Variants in XKR9 observed in about 807,000 individuals in gnomAD.
XKR9 encodes the protein XK related 9, also known as XK-related protein 9.
In XKR9, 32 loss-of-function variants were observed where a neutral mutation model predicts 32.0. The ratio of observed to expected loss-of-function variants is 1.00; its 90% CI spans 0.76 to 1.34. The LOEUF is 1.34. Among genes scored for constraint, XKR9 ranks in the 40% most tolerant of loss-of-function variants. The pLI is 0.00. For missense variants in XKR9, 546 were observed against 429.7 expected, an observed-to-expected ratio of 1.27 and a Z score of -2.39; for synonymous variants, 168 against 143.4, an observed-to-expected ratio of 1.17 and a Z score of -1.22.
chr8:70,913,402 G>T, the XKR9 span, among the ~76,000 whole-genome samples: 1 of 151,956 alleles, frequency 6.6e-6, no homozygotes. Context: ...ATACTGAAAG[G>T]TACCAGTGAA....
At chr8:70,840,007 C>T in the XKR9 span, among the ~76,000 whole-genome samples, 3 of 152,176 alleles carry the variant, frequency 2.0e-5, no homozygotes, top group Admixed American at 6.5e-5. Flanking sequence ...TTCTCCAACT[C>T]AGCGTGTTGT....
At chr8:70,883,705 T>G in the XKR9 span, among the ~76,000 whole-genome samples, 3 of 152,186 alleles carry the variant, frequency 2.0e-5, no homozygotes, top group Non-Finnish European at 4.4e-5. Flanking sequence ...TATCTTTTTG[T>G]GGCTTCATAG....
At chr8:70,779,574 C>T (rs568712606) in intron 2 of XKR9, among the ~76,000 whole-genome samples, 16 of 152,078 alleles carry the variant, frequency 1.1e-4, no homozygotes, top group Admixed American at 2.6e-4. Flanking sequence ...GCTGTGAATC[C>T]GTCTGGACCT....
At chr8:70,721,039 G>C (rs1007876917) in intron 4 of XKR9, among the ~76,000 whole-genome samples, 1 of 152,138 alleles carries the variant, frequency 6.6e-6, no homozygotes, top group Non-Finnish European at 1.5e-5. Flanking sequence ...GAGGGCGTGT[G>C]TGTCCAGGAA....
intron 4 of XKR9, among the ~76,000 whole-genome samples, chr8:70,715,651 C>A (rs2132201452): frequency 6.6e-6 from 1 of 151,946 alleles, no homozygotes; most frequent in South Asian, 2.1e-4. Context: ...AAAAATAGCT[C>A]ACATCAAGCA....
the XKR9 span, among the ~76,000 whole-genome samples, chr8:70,875,211 A>T: frequency 6.6e-6 from 1 of 152,160 alleles, no homozygotes; most frequent in African/African-American, 2.4e-5. Context: ...ACATATTTGG[A>T]TTTGCTCACT....
the XKR9 span, among the ~76,000 whole-genome samples, chr8:70,966,173 C>T: frequency 6.6e-6 from 1 of 152,042 alleles, no homozygotes; most frequent in Non-Finnish European, 1.5e-5. Flanking sequence ...TCATTATTTA[C>T]CTAGGAGTCA....
chr8:70,809,608 T>A, the XKR9 span, among the ~76,000 whole-genome samples: 2 of 152,162 alleles, frequency 1.3e-5, no homozygotes, highest in Admixed American at 6.5e-5. Flanking sequence ...AAGGACCTGA[T>A]GGAGCTGAAA....
At chr8:70,707,254 A>G in intron 4 of XKR9, 101 bp downstream of exon 4, 1 of 829,384 alleles carries the variant, frequency 1.2e-6, no homozygotes, top group East Asian at 2.7e-5. Flanking sequence ...ATACTTTAAA[A>G]ATTATTTATT....
At chr8:70,770,326 GAGGAGCACCC>G (rs1807436777) in intron 2 of XKR9, among the ~76,000 whole-genome samples, 1 of 152,174 alleles carries the variant, frequency 6.6e-6, no homozygotes, top group African/African-American at 2.4e-5. Context: ...CTTCATCCCA[GAGGAGCACCC>G]GCCAGATGCC....
chr8:70,941,598 G>C, the XKR9 span, among the ~76,000 whole-genome samples: 3 of 152,082 alleles, frequency 2.0e-5, no homozygotes, highest in South Asian at 4.1e-4. Context: ...TTTTATAATG[G>C]TGATATACTG....
chr8:71,021,435 A>ATT, the XKR9 span, among the ~76,000 whole-genome samples: 2 of 150,942 alleles, frequency 1.3e-5, no homozygotes, highest in Non-Finnish European at 2.9e-5. Context: ...CCTTTGTTGG[A>ATT]TACAGAGTTT....
At chr8:70,709,262 T>G (rs945454084) in intron 4 of XKR9, among the ~76,000 whole-genome samples, 4 of 151,934 alleles carry the variant, frequency 2.6e-5, no homozygotes, top group Admixed American at 6.6e-5. Flanking sequence ...TTACAAACCC[T>G]CAACAAACTA....
the XKR9 span, among the ~76,000 whole-genome samples, chr8:70,834,935 C>T: frequency 2.0e-5 from 3 of 152,104 alleles, no homozygotes; most frequent in Admixed American, 6.6e-5. Flanking sequence ...ACCAGTGAAT[C>T]TCTGTGCTGG....
the XKR9 span, among the ~76,000 whole-genome samples, chr8:70,855,933 AT>A: frequency 3.9e-5 from 6 of 152,170 alleles, no homozygotes; most frequent in African/African-American, 7.2e-5. Context: ...ATGCTGAGAG[AT>A]TTTGTCACCA....
Position 70,762,154 on chromosome 8 carries a change from T to C in XKR9, n.353-27185T>C, listed in dbSNP as rs192756769. Among the ~76,000 whole-genome samples the C allele has an allele frequency of 9.6e-3, 1,461 of 152,324 alleles. 14 individuals are homozygous for C. The highest frequency in any genetic ancestry group is 0.013 in the Non-Finnish European group (900 of 68,022). ...TGTGATGCCTTCAGCTTTGTTATTT[T>C]TGATTAGGATTGCCTTGGGTATTTG... On this transcript the variant is annotated intron_variant and non_coding_transcript_variant, in intron 2 of 3. Coordinates refer to the XKR9 transcript ENST00000520273.
downstream of XKR9, among the ~76,000 whole-genome samples, chr8:70,738,692 A>G (rs866937867): frequency 1.7e-3 from 264 of 152,130 alleles, 1 homozygote; most frequent in African/African-American, 5.9e-3. Context: ...TTGGTTTCAA[A>G]GAACATCTTT....
chr8:70,772,186 C>T (rs1434215181), intron 2 of XKR9, among the ~76,000 whole-genome samples: 1 of 152,100 alleles, frequency 6.6e-6, no homozygotes, highest in Non-Finnish European at 1.5e-5. Flanking sequence ...AACTTGAGAT[C>T]AGGATTGTAT....
chr8:70,683,444 A>ATTT (rs1188170794), intron 3 of XKR9: 1 of 419,696 alleles, frequency 2.4e-6, no homozygotes, highest in East Asian at 7.4e-5. Context: ...TACTCTCTTT[A>ATTT]TTTTTTATTT....
Sources: gnomAD v4.1 joint callset for allele counts (sites outside exome capture counted in the v4.1 genomes callset) on GRCh38, gnomAD v4.1.1 for gene constraint, MANE v1.5 for transcripts, NCBI Gene and HGNC (gene_info 2026-07-23, HGNC 2026-07-21) for gene names.